Variants in CPNE8 observed in about 807,000 individuals in gnomAD.
CPNE8 encodes the protein copine-8.
A neutral mutation model predicts 81.5 loss-of-function variants in CPNE8; 45 were observed. That is an observed-to-expected ratio of 0.55 (90% CI 0.44 to 0.71). The LOEUF is 0.71. CPNE8 is among the 30% of genes least tolerant of loss of function. The probability of loss-of-function intolerance (pLI) is 0.00; values close to 1 mark genes in which losing one functional copy is unlikely to be tolerated. For synonymous variants in CPNE8, 252 were observed against 226.3 expected (o/e 1.11, Z -1.02); for missense variants, 594 against 672.1 (o/e 0.88, Z 1.28).
At chr12:38,797,001 C>A (rs945350684) in intron 6 of CPNE8, among the ~76,000 whole-genome samples, 1 of 151,942 alleles carries the variant, frequency 6.6e-6, no homozygotes, top group African/African-American at 2.4e-5. Flanking sequence ...GGGACGGGTG[C>A]CCGCCATTGC....
At chr12:38,859,758 A>G (rs964906433) in intron 3 of CPNE8, among the ~76,000 whole-genome samples, 1 of 152,178 alleles carries the variant, frequency 6.6e-6, no homozygotes, top group African/African-American at 2.4e-5. Flanking sequence ...AAGCTCATAA[A>G]TAAATTCACA....
chr12:38,755,265 G>T (rs543779048), intron 10 of CPNE8, among the ~76,000 whole-genome samples: 1 of 152,188 alleles, frequency 6.6e-6, no homozygotes, highest in East Asian at 1.9e-4. Flanking sequence ...TACTCTCTCT[G>T]TTCACAAGCG....
In CPNE8 at chr12:38,761,616, G is replaced by C. The variant is rs561113761; in HGVS notation, c.680+496C>G. The stretch of plus-strand genomic sequence containing the variant: ...TTGCTTTTCTTTTGGGATGGATGGG[G>C]TTTTTATATTATAATCATACAATAA... On this transcript the variant is annotated intron_variant, in intron 9 of 19. Coordinates refer to ENST00000331366, the MANE Select transcript of CPNE8 (RefSeq NM_153634.3). Among the ~76,000 whole-genome samples the C allele has an allele frequency of 1.3e-3, 195 of 152,146 alleles. 1 individual carries two copies. The highest frequency in any genetic ancestry group is 4.4e-3 in the African/African-American group (184 of 41,498).
At chr12:38,675,661 T>C (rs1939271143) in intron 18 of CPNE8, 56 bp downstream of exon 18, 9 of 1,100,660 alleles carry the variant, frequency 8.2e-6, no homozygotes, top group Non-Finnish European at 1.1e-5. Flanking sequence ...CCCAAGAGCA[T>C]GTTACATTAG....
intron 19 of CPNE8, among the ~76,000 whole-genome samples, chr12:38,658,146 C>T (rs1938866417): frequency 6.6e-6 from 1 of 151,996 alleles, no homozygotes; most frequent in South Asian, 2.1e-4. Context: ...AAGCTAAAAA[C>T]CTTGAAAAAA....
chr12:38,772,060 T>C (rs1042548590), intron 7 of CPNE8, among the ~76,000 whole-genome samples: 2 of 152,288 alleles, frequency 1.3e-5, no homozygotes, highest in Non-Finnish European at 2.9e-5. Context: ...TGAATGAGAC[T>C]GGATTAATTC....
In CPNE8 at chr12:38,810,948, C is replaced by T. The variant is rs112515180; in HGVS notation, c.407+18431G>A. On this transcript the variant is annotated intron_variant, in intron 6 of 19. Transcript: ENST00000331366. ...GACTTCCCCACCTACTGCATCTCTC[C>T]GACTTCCTAGTCTGCCTTTCTCTTC... is the stretch of plus-strand genomic sequence containing the variant. Among the ~76,000 whole-genome samples, 1,068 of 152,170 alleles carry T rather than the reference C, an allele frequency of 7.0e-3. 4 individuals are homozygous for T. Among genetic ancestry groups the T allele is most frequent in the Non-Finnish European group, 0.01 (712 of 67,998 alleles).
At chr12:38,828,770 G>C (rs894544452) in intron 6 of CPNE8, among the ~76,000 whole-genome samples, 16 of 152,162 alleles carry the variant, frequency 1.1e-4, no homozygotes, top group African/African-American at 3.4e-4. Context: ...GGGGAAGAAG[G>C]AGGAAAGGAG....
intron 13 of CPNE8, among the ~76,000 whole-genome samples, chr12:38,711,157 T>C (rs1362994563): frequency 6.6e-6 from 1 of 152,226 alleles, no homozygotes; most frequent in Non-Finnish European, 1.5e-5. Flanking sequence ...AAAGTTGTTT[T>C]CCTACTATTA....
At chr12:38,829,821 A>C in intron 5 of CPNE8, among the ~76,000 whole-genome samples, 1 of 152,208 alleles carries the variant, frequency 6.6e-6, no homozygotes, top group East Asian at 1.9e-4. Flanking sequence ...AAAATGAGAA[A>C]GCCCACAGCA....
chr12:38,808,124 G>A (rs1008547569), intron 6 of CPNE8, among the ~76,000 whole-genome samples: 1 of 152,018 alleles, frequency 6.6e-6, no homozygotes, highest in Non-Finnish European at 1.5e-5. Flanking sequence ...AGAGGATGTG[G>A]AGAAATAGGA....
intron 3 of CPNE8, among the ~76,000 whole-genome samples, chr12:38,863,894 T>C (rs1208995407): frequency 2.0e-5 from 3 of 151,126 alleles, no homozygotes; most frequent in African/African-American, 7.3e-5. Context: ...TACTAAAAAA[T>C]ACAAAAAAAA....
chr12:38,677,567 G>A lies in CPNE8; in HGVS notation c.1272-13C>T, dbSNP rs146820295. 2.5e-4 allele frequency: 371 copies of A among 1,503,464 alleles called. 3 individuals are homozygous for A. Among genetic ancestry groups the A allele is most frequent in the Non-Finnish European group, 2.2e-4 (242 of 1,081,076 alleles). 93.1% of individuals were successfully genotyped at this position (1,503,464 alleles called of 1,614,324 possible). A position where few individuals can be genotyped will look rare whatever the true frequency, so the allele number is the denominator to read the frequency against. On this transcript the variant is annotated splice_polypyrimidine_tract_variant and intron_variant, in intron 16 of 19. Coordinates refer to ENST00000331366, the MANE Select transcript of CPNE8 (RefSeq NM_153634.3). Reference sequence around the variant, plus strand: ...AGAAGAAGCATATCTGAAAGGCAACGAAAAGGTAAGGAAAGTAAAACAGTT... The same window carrying A: ...AGAAGAAGCATATCTGAAAGGCAACAAAAAGGTAAGGAAAGTAAAACAGTT...
chr12:38,792,913 A>G (rs768270328), intron 6 of CPNE8, among the ~76,000 whole-genome samples: 7 of 151,888 alleles, frequency 4.6e-5, no homozygotes, highest in Non-Finnish European at 1.0e-4. Flanking sequence ...TGTTTGGGAT[A>G]CAAGGATAGT....
chr12:38,866,694 C>T (rs1220964378), intron 3 of CPNE8, among the ~76,000 whole-genome samples: 1 of 152,100 alleles, frequency 6.6e-6, no homozygotes, highest in Non-Finnish European at 1.5e-5. Context: ...GTTATCATGA[C>T]ACATACATGT....
At chr12:38,691,563 G>A (rs924393279) in intron 15 of CPNE8, among the ~76,000 whole-genome samples, 3 of 151,900 alleles carry the variant, frequency 2.0e-5, no homozygotes, top group Non-Finnish European at 4.4e-5. Flanking sequence ...GATTACTGAA[G>A]TTGAAACATT....
chr12:38,826,529 C>A (rs1473131822), intron 6 of CPNE8, among the ~76,000 whole-genome samples: 1 of 152,142 alleles, frequency 6.6e-6, no homozygotes, highest in Non-Finnish European at 1.5e-5. Context: ...GATCATGACT[C>A]AACCCCCAGC....
chr12:38,671,782 T>C (rs1381388547), intron 18 of CPNE8, among the ~76,000 whole-genome samples: 1 of 152,110 alleles, frequency 6.6e-6, no homozygotes, highest in African/African-American at 2.4e-5. Context: ...GTTGAAAACA[T>C]TGTTTTCAAT....
chr12:38,733,871 C>G (rs980572), intron 10 of CPNE8, among the ~76,000 whole-genome samples: 5 of 151,652 alleles, frequency 3.3e-5, no homozygotes, highest in Non-Finnish European at 5.9e-5. Context: ...CGGTATTATG[C>G]ATAGTCACAT....
Sources: gnomAD v4.1 joint callset for allele counts (sites outside exome capture counted in the v4.1 genomes callset) on GRCh38, gnomAD v4.1.1 for gene constraint, MANE v1.5 for transcripts, NCBI Gene and HGNC (gene_info 2026-07-23, HGNC 2026-07-21) for gene names.